Variants in DLGAP1 observed in about 807,000 individuals in gnomAD.
DLGAP1 encodes the protein disks large-associated protein 1.
A neutral mutation model predicts 90.8 loss-of-function variants in DLGAP1; 11 were observed. The ratio of observed to expected loss-of-function variants is 0.12; its 90% CI spans 0.08 to 0.20. DLGAP1 has a LOEUF of 0.20. DLGAP1 is among the 10% of genes least tolerant of loss of function. DLGAP1 has a pLI of 1.00. For synonymous variants in DLGAP1, 558 were observed against 540.7 expected, an observed-to-expected ratio of 1.03 and a Z score of -0.44; for missense variants, 1,050 against 1,333.8, an observed-to-expected ratio of 0.79 and a Z score of 3.31.
chr18:4,368,085 C>T (rs145859353), intron 1 of DLGAP1, among the ~76,000 whole-genome samples: 3,324 of 151,960 alleles, frequency 0.022, 59 homozygotes, highest in African/African-American at 0.047. Flanking sequence ...ACTATATTCA[C>T]GATTCTAAGG....
chr18:4,100,411 G>A (rs1323897531), intron 2 of DLGAP1, among the ~76,000 whole-genome samples: 2 of 152,174 alleles, frequency 1.3e-5, no homozygotes, highest in African/African-American at 4.8e-5. Context: ...TATTCAGTAA[G>A]CCATGTTGTA....
At chr18:4,100,266 C>T (rs192358028) in intron 2 of DLGAP1, among the ~76,000 whole-genome samples, 131 of 152,280 alleles carry the variant, frequency 8.6e-4, no homozygotes, top group African/African-American at 3.1e-3. Flanking sequence ...TGTTAACAGG[C>T]ATGAAAACAA....
At chr18:4,343,606 C>T (rs1410141015) in intron 1 of DLGAP1, among the ~76,000 whole-genome samples, 2 of 152,014 alleles carry the variant, frequency 1.3e-5, no homozygotes. Context: ...TAAAATGTTA[C>T]CTCCCTTTTC....
At chr18:3,528,331 CCTTACCGCCCCT>C (rs1412878125) in intron 10 of DLGAP1, among the ~76,000 whole-genome samples, 1 of 152,152 alleles carries the variant, frequency 6.6e-6, no homozygotes, top group African/African-American at 2.4e-5. Flanking sequence ...GGCCTCTCTT[CCTTACCGCCCCT>C]CTTACAAAAA....
chr18:3,931,396 C>T (rs973872572), intron 3 of DLGAP1, among the ~76,000 whole-genome samples: 3 of 152,142 alleles, frequency 2.0e-5, no homozygotes, highest in African/African-American at 4.8e-5. Context: ...CCTGCTTCCT[C>T]TCTGGGACTG....
At chr18:3,552,273 AT>A (rs1389425272) in intron 9 of DLGAP1, among the ~76,000 whole-genome samples, 1 of 152,022 alleles carries the variant, frequency 6.6e-6, no homozygotes, top group African/African-American at 2.4e-5. Flanking sequence ...TTCCTGAACA[AT>A]TTTTGTTTCT....
intron 3 of DLGAP1, among the ~76,000 whole-genome samples, chr18:3,943,451 GTTTTTT>G (rs11453774): frequency 1.5e-5 from 2 of 131,244 alleles, no homozygotes; most frequent in Admixed American, 1.6e-4. Flanking sequence ...GAAAGAGAGG[GTTTTTT>G]TTTTTTTTTT....
At chr18:3,978,358 T>G in intron 3 of DLGAP1, 1 of 342,074 alleles carries the variant, frequency 2.9e-6, no homozygotes, top group South Asian at 2.6e-5. Context: ...CATCATCTCA[T>G]TTAATTTTCG....
rs142836478 is a variant in DLGAP1, at chr18:3,801,967, TTTTGTTTG to T, written c.1172+12084_1172+12091del. On this transcript the variant is annotated intron_variant, in intron 5 of 12. Transcript: ENST00000315677. ...TCCACGCCACGCAGGCCATCTGTGT[TTTTGTTTG>T]TTTGTTTGTTTGTTTGTTTGTTTTT... Among the ~76,000 whole-genome samples, 24 of 102,766 alleles carry T rather than the reference TTTTGTTTG, an allele frequency of 2.3e-4. No homozygotes were observed. In the East Asian group the frequency reaches 2.7e-3, roughly 12 times the overall value. The allele number at this position is 102,766 out of a possible 152,430, so 67.4% of individuals were successfully genotyped here.
rs1568077669 is a variant in DLGAP1, at chr18:3,498,859, C to T, written c.*326G>A. The T allele has an allele frequency of 2.9e-6, 1 of 342,318 alleles. No individual in the cohort carries two copies. Among genetic ancestry groups the T allele is most frequent in the Non-Finnish European group, 5.3e-6 (1 of 189,944 alleles). 21.2% of individuals were successfully genotyped at this position (342,318 alleles called of 1,614,324 possible). On this transcript the variant is annotated 3_prime_UTR_variant, in exon 13 of 13. Transcript: ENST00000315677. The stretch of plus-strand genomic sequence containing the variant: ...ACTAGCTCGAGAGAACTGAGGACGG[C>T]GGGTGACCTAAAGGCATCACTTCTA...
chr18:3,669,520 T>C (rs2060005134), intron 7 of DLGAP1, among the ~76,000 whole-genome samples: 1 of 152,200 alleles, frequency 6.6e-6, no homozygotes, highest in African/African-American at 2.4e-5. Flanking sequence ...CGAGTGGTTA[T>C]GTGTCTGGTC....
intron 7 of DLGAP1, chr18:3,722,062 A>G (rs1040180957): frequency 4.6e-5 from 7 of 152,230 alleles, no homozygotes; most frequent in African/African-American, 1.7e-4. Context: ...TAATTTGCAT[A>G]ATGCTTCCTT....
intron 3 of DLGAP1, chr18:3,896,256 A>C (rs2071620384): frequency 6.6e-6 from 1 of 152,254 alleles, no homozygotes; most frequent in South Asian, 2.1e-4. Flanking sequence ...TAAGACTTAA[A>C]GCACATGCTA....
intron 1 of DLGAP1, among the ~76,000 whole-genome samples, chr18:4,339,665 C>T (rs2081147023): frequency 1.3e-5 from 2 of 152,022 alleles, no homozygotes; most frequent in South Asian, 4.2e-4. Flanking sequence ...TTCTATTATT[C>T]CTTACTTAAA....
rs1358094304 is a variant in DLGAP1 at position 3,499,760 on chromosome 18, A to G, written c.2725-366T>C. ...TGGTGCCAGAGATGGGCCAGGAAGC[A>G]GCGGCTGCAGCAGCATCTTAGAACC... is the stretch of plus-strand genomic sequence containing the variant. On this transcript the variant is annotated intron_variant, in intron 12 of 12. Transcript: ENST00000315677. This position sits in a 1 kb window ranked among gnomAD's most constrained non-coding sequence, Gnocchi z 6.4. 6.6e-6 allele frequency among the ~76,000 whole-genome samples: 1 copy of G among 152,086 alleles called. No homozygotes were observed. The highest frequency in any genetic ancestry group is 1.5e-5 in the Non-Finnish European group (1 of 68,018).
chr18:3,795,996 G>C (rs983979855), intron 5 of DLGAP1, among the ~76,000 whole-genome samples: 2 of 152,146 alleles, frequency 1.3e-5, no homozygotes, highest in African/African-American at 4.8e-5. Flanking sequence ...CTATCCGATG[G>C]TCAAAGGGCT....
At chr18:3,625,349 G>C (rs1394332617) in intron 7 of DLGAP1, among the ~76,000 whole-genome samples, 1 of 152,228 alleles carries the variant, frequency 6.6e-6, no homozygotes, top group Non-Finnish European at 1.5e-5. Flanking sequence ...GGGCTGGGAA[G>C]CTAATGGAGG....
intron 7 of DLGAP1, among the ~76,000 whole-genome samples, chr18:3,701,314 T>C (rs1005665333): frequency 1.3e-5 from 2 of 152,214 alleles, no homozygotes; most frequent in Non-Finnish European, 2.9e-5. Flanking sequence ...GTAGTGTCTA[T>C]GTGTGGTGTT....
chr18:4,065,349 G>C (rs149636235), intron 2 of DLGAP1, among the ~76,000 whole-genome samples: 1 of 152,158 alleles, frequency 6.6e-6, no homozygotes, highest in East Asian at 1.9e-4. Flanking sequence ...GAGAAATAAA[G>C]GGCATTTAAA....
Sources: gnomAD v4.1 joint callset for allele counts (sites outside exome capture counted in the v4.1 genomes callset) on GRCh38, gnomAD v4.1.1 for gene constraint, Gnocchi (gnomAD v3.1) non-coding constraint, MANE v1.5 for transcripts, NCBI Gene and HGNC (gene_info 2026-07-23, HGNC 2026-07-21) for gene names.